The following MAP3K1 variants were observed in gnomAD, a reference collection of about 807,000 sequenced individuals.
MAP3K1 encodes mitogen-activated protein kinase kinase kinase 1.
Under a neutral mutation model 144.2 loss-of-function variants are expected in MAP3K1, and 36 were observed. The ratio of observed to expected loss-of-function variants is 0.25; its 90% CI spans 0.19 to 0.33. The LOEUF is 0.33. Ranked by LOEUF, MAP3K1 falls within the 10% of genes least tolerant of loss-of-function variation. MAP3K1 has a pLI of 1.00. For synonymous variants in MAP3K1, 718 were observed against 688.7 expected, an observed-to-expected ratio of 1.04 and a Z score of -0.67; for missense variants, 1,650 against 1,881.9, an observed-to-expected ratio of 0.88 and a Z score of 2.28.
intron 1 of MAP3K1, among the ~76,000 whole-genome samples, chr5:56,832,903 C>T (rs112124407): frequency 0.032 from 4,861 of 152,270 alleles, 281 homozygotes; most frequent in African/African-American, 0.11. Flanking sequence ...GACGGAGTCT[C>T]GCTCTGTCAC....
intron 1 of MAP3K1, among the ~76,000 whole-genome samples, chr5:56,853,063 A>G (rs1378174407): frequency 2.0e-5 from 3 of 152,138 alleles, no homozygotes; most frequent in African/African-American, 7.2e-5. Flanking sequence ...AGTAGATGTG[A>G]TTTATTCGTG....
rs760399088 is a variant in MAP3K1, at chr5:56,865,337, T to C, written c.1036-3T>C. ...CCTATAGGTTTTCTTTTTAACTCTT[T>C]AGAACTGCAGCTGTGCACGTGGAAC... On this transcript the variant is annotated splice_region_variant and splice_polypyrimidine_tract_variant and intron_variant, in intron 4 of 19. Coordinates refer to ENST00000399503, the MANE Select transcript of MAP3K1 (RefSeq NM_005921.2). The C allele has an allele frequency of 1.1e-5, 18 of 1,568,824 alleles. No individual in the cohort carries two copies. In the South Asian group the frequency reaches 1.2e-4, roughly 11 times the overall value.
chr5:56,823,760 C>G (rs1023788506), intron 1 of MAP3K1, among the ~76,000 whole-genome samples: 4 of 152,054 alleles, frequency 2.6e-5, no homozygotes, highest in African/African-American at 9.7e-5. Flanking sequence ...CCTGGTGGCT[C>G]GAGTGAAATA....
At position 56,886,044 on chromosome 5, in the gene MAP3K1, C is replaced by A. The variant is rs2111958460; in HGVS notation, c.4095C>A (p.Ile1365=). 2 of 1,611,734 alleles carry A rather than the reference C, an allele frequency of 1.2e-6. No homozygotes were observed. The highest frequency in any genetic ancestry group is 1.1e-5 in the South Asian group (1 of 91,010). ...TTTCGTATCTCCATGAAAACCAAAT[C>A]ATTCACAGAGATGTCAAAGGTGAGA... ...RGLSYLHENQ[I]IHRDVKGANL... Residue 1365 remains isoleucine, a synonymous_variant, in exon 17 of 20, where the codon ATC becomes ATA. Coordinates refer to ENST00000399503, the MANE Select transcript of MAP3K1 (RefSeq NM_005921.2).
At chr5:56,860,627 C>T (rs945016179) in intron 3 of MAP3K1, among the ~76,000 whole-genome samples, 6 of 152,080 alleles carry the variant, frequency 3.9e-5, no homozygotes, top group Non-Finnish European at 5.9e-5. Flanking sequence ...GCGAAGTGGG[C>T]GGATCACCTG....
At chr5:56,880,984 C>G (rs773891028) in intron 12 of MAP3K1, 99 bp from the exon 13 acceptor site, 35 of 1,117,580 alleles carry the variant, frequency 3.1e-5, no homozygotes, top group Non-Finnish European at 4.3e-5. Context: ...TAAAATAGTT[C>G]AGAATATTTT....
rs1748286000 is a variant in MAP3K1, at chr5:56,883,381, C to T, written c.3667-146C>T. The T allele has an allele frequency of 4.1e-6, 3 of 731,502 alleles. No homozygotes were observed. The South Asian group carries it at 4.8e-5, about 12-fold the overall frequency. The allele number at this position is 731,502 out of a possible 1,614,324, so 45.3% of individuals were successfully genotyped here. A position where few individuals can be genotyped will look rare whatever the true frequency, so the allele number is the denominator to read the frequency against. On this transcript the variant is annotated intron_variant, in intron 14 of 19. Coordinates refer to ENST00000399503, the MANE Select transcript of MAP3K1 (RefSeq NM_005921.2). ...ATAATGGTGATTACTTTTGCATTTG[C>T]TGTCGGTCACAAATACCTTCCATTC...
At chr5:56,880,834 A>G in intron 12 of MAP3K1, 32 bp downstream of exon 12, 1 of 1,520,874 alleles carries the variant, frequency 6.6e-7, no homozygotes, top group South Asian at 1.1e-5. Context: ...GGAATATAGC[A>G]TATTTTATCA....
intron 19 of MAP3K1, 120 bp downstream of exon 19, chr5:56,888,477 A>G: frequency 4.6e-6 from 4 of 865,392 alleles, no homozygotes; most frequent in Non-Finnish European, 5.6e-6. Context: ...AATAGTCTGT[A>G]TATTTATTCA....
chr5:56,816,191 C>T (rs867412588), intron 1 of MAP3K1, 136 bp downstream of exon 1: 20 of 920,144 alleles, frequency 2.2e-5, no homozygotes, highest in Middle Eastern at 4.1e-4. Flanking sequence ...ACCTACGCCC[C>T]TGAGCACCCC....
chr5:56,824,912 T>C (rs1169466819), intron 1 of MAP3K1, among the ~76,000 whole-genome samples: 2 of 152,168 alleles, frequency 1.3e-5, no homozygotes, highest in Admixed American at 1.3e-4. Flanking sequence ...ACCACTAATA[T>C]ACTGATCTTT....
chr5:56,840,910 CT>C (rs941097670), intron 1 of MAP3K1, among the ~76,000 whole-genome samples: 6 of 139,616 alleles, frequency 4.3e-5, no homozygotes, highest in African/African-American at 1.6e-4. Context: ...CTTGTTCTGT[CT>C]GTCACCCAGG....
In MAP3K1 at chr5:56,882,475, A is replaced by T; in HGVS notation, c.3275A>T (p.Asp1092Val). The T allele has an allele frequency of 6.2e-7, 1 of 1,614,198 alleles. No homozygotes were observed. The highest frequency in any genetic ancestry group is 1.1e-5 in the South Asian group (1 of 91,088). ...GATCTGAACAGTAGTTCCAAATGTG[A>T]TGACAGCTTTGGCTGTAGCAGCAAT... ...TLDLNSSSKC[D>V]DSFGCSSNSS... The change falls in exon 14 of 20, where the codon GAT (aspartate) becomes GTT (valine). Residue 1092 changes from aspartate to valine, a missense_variant. This residue lies in a region of MAP3K1 where 841 missense variants were observed against 886.5 expected (regional missense o/e 0.95). Transcript: ENST00000399503.
At chr5:56,859,304 G>A (rs571147872) in intron 2 of MAP3K1, among the ~76,000 whole-genome samples, 3 of 151,944 alleles carry the variant, frequency 2.0e-5, no homozygotes, top group African/African-American at 7.3e-5. Context: ...AAATAAAAAC[G>A]TACCTAGATC....
In MAP3K1 at chr5:56,815,721, G is replaced by C; in HGVS notation, c.148G>C (p.Gly50Arg). Residue 50 changes from glycine to arginine, a missense_variant, in exon 1 of 20, where the codon GGG (glycine) becomes CGG (arginine). By Grantham distance (125) the Gly-to-Arg change is moderately radical. Around this residue, in one of 6 missense-constraint regions of MAP3K1, gnomAD observed 360 missense variants for 274.7 expected, o/e 1.31. Transcript: ENST00000399503. The stretch of plus-strand genomic sequence containing the variant: ...GGGACTGCTGCGGGAGGCGGGCAGC[G>C]GGGGCCGCGAGCGGGCGGACTGGCG... ...AAGLLREAGS[G>R]GRERADWRRR... 1 of 1,334,160 alleles carries C rather than the reference G, an allele frequency of 7.5e-7. No individual in the cohort carries two copies. The highest frequency in any genetic ancestry group is 9.6e-7 in the Non-Finnish European group (1 of 1,041,892). 82.6% of individuals were successfully genotyped at this position (1,334,160 alleles called of 1,614,324 possible). A position where few individuals can be genotyped will look rare whatever the true frequency, so the allele number is the denominator to read the frequency against.
At chr5:56,836,617 A>G (rs1579726959) in intron 1 of MAP3K1, among the ~76,000 whole-genome samples, 3 of 152,246 alleles carry the variant, frequency 2.0e-5, no homozygotes, top group East Asian at 1.9e-4. Flanking sequence ...TACTGTTTAC[A>G]TGAGGCTAGT....
intron 1 of MAP3K1, among the ~76,000 whole-genome samples, chr5:56,844,194 T>TG (rs1282039404): frequency 1.8e-4 from 24 of 136,320 alleles, no homozygotes; most frequent in African/African-American, 5.7e-4. Context: ...TTTTTTTTTT[T>TG]TTTTTTTTTT....
intron 6 of MAP3K1, among the ~76,000 whole-genome samples, chr5:56,869,561 C>T (rs997869820): frequency 6.6e-6 from 1 of 152,006 alleles, no homozygotes; most frequent in Non-Finnish European, 1.5e-5. Flanking sequence ...TGAAATAGTG[C>T]ATATATATAC....
At chr5:56,883,003 A>T (rs1235673722) in intron 14 of MAP3K1, 137 bp downstream of exon 14, 2 of 689,480 alleles carry the variant, frequency 2.9e-6, no homozygotes, top group Admixed American at 2.8e-5. Flanking sequence ...AGCCTGGTCA[A>T]CAAAGCAAGA....
Sources: gnomAD v4.1 joint callset for allele counts (sites outside exome capture counted in the v4.1 genomes callset) on GRCh38, gnomAD v4.1.1 for gene constraint, gnomAD v4.1.1 regional missense constraint, MANE v1.5 for transcripts, NCBI Gene and HGNC (gene_info 2026-07-23, HGNC 2026-07-21) for gene names.